Variants in TRMT11 observed in about 807,000 individuals in gnomAD.
The protein encoded by TRMT11 is tRNA methyltransferase 11.
TRMT11 carries 53 observed loss-of-function variants against 62.8 expected under a neutral mutation model. That is an observed-to-expected ratio of 0.84 (90% CI 0.68 to 1.06). TRMT11 has a LOEUF of 1.06. Among genes scored for constraint, TRMT11 ranks in the 50% least tolerant of loss-of-function variants. The probability of loss-of-function intolerance (pLI) is 0.00; values close to 1 mark genes in which losing one functional copy is unlikely to be tolerated. For synonymous variants in TRMT11, 188 were observed against 190.3 expected, an observed-to-expected ratio of 0.99 and a Z score of 0.10; for missense variants, 556 against 553.4, an observed-to-expected ratio of 1.00 and a Z score of -0.05.
At chr6:126,269,889 A>T in the TRMT11 span, among the ~76,000 whole-genome samples, 1 of 152,214 alleles carries the variant, frequency 6.6e-6, no homozygotes, top group Non-Finnish European at 1.5e-5. Context: ...AAACATAAGG[A>T]TAAGTCAGAA....
intron 21 of TRMT11, among the ~76,000 whole-genome samples, chr6:126,121,188 T>A (rs142666859): frequency 1.6e-4 from 24 of 152,266 alleles, no homozygotes; most frequent in African/African-American, 5.8e-4. Context: ...CAACTTTGTA[T>A]TCCCCATGTC....
upstream of TRMT11, among the ~76,000 whole-genome samples, chr6:126,173,333 T>A (rs1778351182): frequency 6.6e-6 from 1 of 152,206 alleles, no homozygotes; most frequent in African/African-American, 2.4e-5. Context: ...TCTCCCCGTT[T>A]CCACCTTTCT....
At chr6:126,220,161 C>A in the TRMT11 span, among the ~76,000 whole-genome samples, 1 of 152,192 alleles carries the variant, frequency 6.6e-6, no homozygotes, top group Non-Finnish European at 1.5e-5. Context: ...AGAAGTGACA[C>A]ACTTGGGAAA....
chr6:126,098,183 C>T (rs745750921), intron 17 of TRMT11, among the ~76,000 whole-genome samples: 2 of 152,114 alleles, frequency 1.3e-5, no homozygotes, highest in Non-Finnish European at 2.9e-5. Flanking sequence ...CTGTGCTTGG[C>T]GTCCACTCAC....
intron 21 of TRMT11, among the ~76,000 whole-genome samples, chr6:126,117,022 C>G (rs1409578748): frequency 1.3e-5 from 2 of 152,058 alleles, no homozygotes; most frequent in Admixed American, 1.3e-4. Context: ...AGATGAAGTA[C>G]CCAGGATCAA....
chr6:126,109,019 T>C (rs1006955189), intron 17 of TRMT11, among the ~76,000 whole-genome samples: 11 of 152,230 alleles, frequency 7.2e-5, no homozygotes, highest in Admixed American at 2.6e-4. Flanking sequence ...TAATTGTTAA[T>C]GTTTTACCAC....
chr6:126,014,451 G>C (rs1009116964), intron 11 of TRMT11, among the ~76,000 whole-genome samples: 1 of 152,044 alleles, frequency 6.6e-6, no homozygotes, highest in Non-Finnish European at 1.5e-5. Context: ...AGGTTTCACT[G>C]TGTTGGCCAG....
At chr6:126,036,181 A>T (rs1775156349) in intron 12 of TRMT11, among the ~76,000 whole-genome samples, 1 of 152,106 alleles carries the variant, frequency 6.6e-6, no homozygotes, top group Non-Finnish European at 1.5e-5. Flanking sequence ...AGAATACCTG[A>T]CTGCATTCTG....
chr6:126,100,430 A>G (rs867715906), intron 17 of TRMT11, among the ~76,000 whole-genome samples: 2 of 151,986 alleles, frequency 1.3e-5, no homozygotes, highest in African/African-American at 2.4e-5. Flanking sequence ...TATTTTCCCC[A>G]TTTTTTATTC....
the TRMT11 span, among the ~76,000 whole-genome samples, chr6:126,232,830 A>C: frequency 6.6e-6 from 1 of 152,220 alleles, no homozygotes; most frequent in Non-Finnish European, 1.5e-5. Flanking sequence ...ATTTATGTGA[A>C]GCATCCCTTT....
chr6:126,089,187 C>T (rs975826627), intron 17 of TRMT11, among the ~76,000 whole-genome samples: 1 of 151,474 alleles, frequency 6.6e-6, no homozygotes, highest in Admixed American at 6.6e-5. Flanking sequence ...GATCTTGGCT[C>T]ACTGCAACTT....
At chr6:126,081,664 A>G (rs1011607054) in intron 17 of TRMT11, among the ~76,000 whole-genome samples, 3 of 152,086 alleles carry the variant, frequency 2.0e-5, no homozygotes, top group African/African-American at 7.2e-5. Flanking sequence ...ATTTTTTTGG[A>G]GGTCACATAT....
intron 21 of TRMT11, among the ~76,000 whole-genome samples, chr6:126,145,406 G>T (rs1335841840): frequency 6.6e-6 from 1 of 152,146 alleles, no homozygotes; most frequent in Non-Finnish European, 1.5e-5. Flanking sequence ...GACAGAGAAC[G>T]CTGGACTAGC....
In TRMT11 at chr6:126,054,177, T is replaced by C. The variant is rs953106399; in HGVS notation, c.*1437+987T>C. Among the ~76,000 whole-genome samples the C allele has an allele frequency of 5.3e-5, 8 of 152,316 alleles. No individual in the cohort carries two copies. The East Asian group carries it at 1.2e-3, about 22-fold the overall frequency. The stretch of plus-strand genomic sequence containing the variant: ...GAAGTTTTAATTTCTTTCAAAATGG[T>C]GTCCTTGGCTGAAGTGCTTGAGTTC... On this transcript the variant is annotated intron_variant and NMD_transcript_variant, in intron 17 of 22. Transcript: ENST00000648977.
intron 1 of TRMT11, among the ~76,000 whole-genome samples, chr6:126,181,708 A>G (rs554438977): frequency 6.6e-6 from 1 of 152,190 alleles, no homozygotes; most frequent in South Asian, 2.1e-4. Flanking sequence ...TCTGGGGATG[A>G]AGAAGAAGAG....
At chr6:126,250,364 G>C in the TRMT11 span, among the ~76,000 whole-genome samples, 1 of 152,090 alleles carries the variant, frequency 6.6e-6, no homozygotes, top group African/African-American at 2.4e-5. Flanking sequence ...AAGAAGTTTT[G>C]ATGAACAAGG....
intron 12 of TRMT11, among the ~76,000 whole-genome samples, chr6:126,033,376 A>G (rs1385547094): frequency 6.6e-6 from 1 of 152,118 alleles, no homozygotes; most frequent in East Asian, 1.9e-4. Context: ...ATTAAAATTT[A>G]TTATAAGTGG....
At chr6:126,174,632 A>G (rs925986148), upstream of TRMT11, among the ~76,000 whole-genome samples, 2 of 152,256 alleles carry the variant, frequency 1.3e-5, no homozygotes, top group African/African-American at 2.4e-5. Context: ...AAATAGGAAC[A>G]GTATTTGATT....
rs376542984 is a variant in TRMT11 at position 126,046,336 on chromosome 6, C to T, written c.*1369+5491C>T. Among the ~76,000 whole-genome samples the T allele has an allele frequency of 1.1e-4, 16 of 152,254 alleles. No individual in the cohort carries two copies. The East Asian group carries it at 2.3e-3, about 22-fold the overall frequency. On this transcript the variant is annotated intron_variant and NMD_transcript_variant, in intron 16 of 22. Transcript: ENST00000648977. ...TCCATGGTTACTGAGTCAAAGGGTCCCCAATGCCAAAACATTGTCGGATTT... is the reference window on the plus strand; with the variant it reads ...TCCATGGTTACTGAGTCAAAGGGTCTCCAATGCCAAAACATTGTCGGATTT...
Sources: allele counts gnomAD v4.1 joint callset (sites outside exome capture counted in the v4.1 genomes callset), GRCh38; gene constraint gnomAD v4.1.1; transcripts MANE v1.5; gene names NCBI Gene and HGNC (gene_info 2026-07-23, HGNC 2026-07-21).